TENM1: variants seen among roughly 807,000 people sequenced by gnomAD.
The protein encoded by TENM1 is teneurin transmembrane protein 1.
TENM1 carries 35 observed loss-of-function variants against 174.8 expected under a neutral mutation model. That is an observed-to-expected ratio of 0.20 (90% confidence interval 0.15 to 0.27). TENM1 has a LOEUF of 0.27. TENM1 is among the 10% of genes least tolerant of loss of function. The pLI is 1.00. For synonymous variants in TENM1, 781 were observed against 798.7 expected (o/e 0.98, Z 0.37); for missense variants, 1,633 against 2,130.1 (o/e 0.77, Z 4.59).
rs772747424 is a variant in TENM1 at position 124,523,465 on chromosome X, T to C, written c.2932A>G (p.Ile978Val). 2 of 1,209,722 alleles carry C rather than the reference T, an allele frequency of 1.7e-6. No individual in the cohort carries two copies. The highest frequency in any genetic ancestry group is 2.2e-5 in the Admixed American group (1 of 45,734). Residue 978 changes from isoleucine to valine, a missense_variant, in exon 17 of 32, where the codon ATC becomes GTC. By Grantham distance (29) the Ile-to-Val change is conservative (BLOSUM62 3). Coordinates refer to ENST00000422452, the Ensembl canonical transcript of TENM1. Reference sequence around the variant, plus strand: ...GGGTTTGGGCTGATAAAGTTGGAGATATCGCAGGATGGCGGGTCTGATACA... The same window carrying C: ...GGGTTTGGGCTGATAAAGTTGGAGACATCGCAGGATGGCGGGTCTGATACA...
At chrX:124,970,220 C>T in the TENM1 span, among the ~76,000 whole-genome samples, 3 of 111,779 alleles carry the variant, frequency 2.7e-5, no homozygotes, top group Non-Finnish European at 5.6e-5. Flanking sequence ...TCCTGGTTTA[C>T]CCTCAGAAAA....
At position 124,704,930 on chromosome X, in the gene TENM1, G is replaced by A. The variant is rs758935829; in HGVS notation, c.1015+83C>T. The A allele has an allele frequency of 2.6e-5, 19 of 722,186 alleles. No homozygotes were observed. In the Admixed American group the frequency reaches 2.7e-4, roughly 10 times the overall value. The allele number at this position is 722,186 out of a possible 1,213,427, so 59.5% of individuals were successfully genotyped here. A position where few individuals can be genotyped will look rare whatever the true frequency, so the allele number is the denominator to read the frequency against. On this transcript the variant is annotated intron_variant, in intron 5 of 31. Transcript: ENST00000422452. ...GTCCAAATGTGTACATGCCAGAATC[G>A]AGAGAAAAACCCCCCATTCCCACCA...
chrX:124,428,458 C>T (rs1378460078), intron 23 of TENM1, among the ~76,000 whole-genome samples: 1 of 112,057 alleles, frequency 8.9e-6, no homozygotes, highest in African/African-American at 3.2e-5. Flanking sequence ...TAAGCCTAAT[C>T]CCATACTGTA....
rs535062346 is a variant in TENM1 at position 124,772,589 on chromosome X, A to T, written c.536-35392T>A. Reference sequence around the variant, plus strand: ...CATATAAAAAGTGTAAACATTTTTTAAAAATATGGTCTTTAAAATAGAATA... The same window carrying T: ...CATATAAAAAGTGTAAACATTTTTTTAAAATATGGTCTTTAAAATAGAATA... On this transcript the variant is annotated intron_variant, in intron 3 of 31. Transcript: ENST00000422452. Among the ~76,000 whole-genome samples the T allele has an allele frequency of 1.5e-4, 17 of 112,227 alleles. No homozygotes were observed. The South Asian group carries it at 6.3e-3, about 41-fold the overall frequency.
At chrX:124,717,501 T>C (rs1353488524) in intron 4 of TENM1, among the ~76,000 whole-genome samples, 1 of 111,068 alleles carries the variant, frequency 9.0e-6, no homozygotes, top group Non-Finnish European at 1.9e-5. Context: ...GACAAAGAAA[T>C]CCCATCTAGA....
intron 10 of TENM1, among the ~76,000 whole-genome samples, chrX:124,642,866 G>A (rs781354707): frequency 8.9e-5 from 10 of 112,307 alleles, no homozygotes; most frequent in Non-Finnish European, 1.9e-4. Flanking sequence ...ATAACTAATC[G>A]TAATGAGGAC....
Position 124,487,463 on chromosome X carries a change from C to T in TENM1, c.3696-234G>A, listed in dbSNP as rs539707051. On this transcript the variant is annotated intron_variant, in intron 20 of 31. Coordinates refer to ENST00000422452, the Ensembl canonical transcript of TENM1. ...GATTGCATATTTTGTTTGGTGGATG[C>T]GCAAAGTTCTAAGGCAGATTTTTCA... Among the ~76,000 whole-genome samples, 17 of 112,071 alleles carry T rather than the reference C, an allele frequency of 1.5e-4. No individual in the cohort carries two copies. In the East Asian group the frequency reaches 2.3e-3, roughly 15 times the overall value.
intron 3 of TENM1, among the ~76,000 whole-genome samples, chrX:124,773,246 A>G (rs1308111541): frequency 9.0e-6 from 1 of 111,233 alleles, no homozygotes; most frequent in East Asian, 2.8e-4. Context: ...AACCAGATGT[A>G]TCAAGATTTT....
chrX:124,964,528 T>C (rs1246042800), upstream of TENM1, among the ~76,000 whole-genome samples: 5 of 111,166 alleles, frequency 4.5e-5, no homozygotes, highest in Non-Finnish European at 7.5e-5. Flanking sequence ...GTTTTGGAAA[T>C]AGCAATTTTA....
chrX:125,127,376 T>C, the TENM1 span, among the ~76,000 whole-genome samples: 1,464 of 111,334 alleles, frequency 0.013, 28 homozygotes, highest in African/African-American at 0.045. Context: ...CTGAATTAAA[T>C]GGTCTTTGTA....
chrX:124,540,155 A>G (rs745729847), intron 15 of TENM1, among the ~76,000 whole-genome samples: 146 of 112,088 alleles, frequency 1.3e-3, no homozygotes, highest in Admixed American at 2.4e-3. Context: ...CTGCCACTAC[A>G]ATGTAAACTC....
chrX:124,452,862 G>T (rs2061056473), intron 23 of TENM1, among the ~76,000 whole-genome samples: 1 of 72,087 alleles, frequency 1.4e-5, no homozygotes, highest in African/African-American at 5.0e-5. Context: ...ACCCTGTTGT[G>T]GGGTGGGGGG....
intron 25 of TENM1, among the ~76,000 whole-genome samples, chrX:124,415,973 TTC>T (rs2060589392): frequency 8.9e-6 from 1 of 111,858 alleles, no homozygotes; most frequent in Non-Finnish European, 1.9e-5. Flanking sequence ...TAAAAAACTC[TTC>T]TGTTTACTCT....
intron 3 of TENM1, among the ~76,000 whole-genome samples, chrX:124,876,818 A>G (rs889888446): frequency 2.7e-5 from 3 of 111,779 alleles, no homozygotes; most frequent in Admixed American, 9.5e-5. Flanking sequence ...CCATTCCAAC[A>G]TGGTTTTCAA....
chrX:125,187,027 C>G, the TENM1 span, among the ~76,000 whole-genome samples: 2 of 111,997 alleles, frequency 1.8e-5, no homozygotes, highest in Non-Finnish European at 3.8e-5. Context: ...CTTTGAGAGG[C>G]TGAGGCGGGT....
At chrX:124,821,841 A>G (rs978746792) in intron 3 of TENM1, among the ~76,000 whole-genome samples, 20 of 112,281 alleles carry the variant, frequency 1.8e-4, no homozygotes, top group African/African-American at 6.2e-4. Context: ...GAATAGTGAC[A>G]AGAATATCTT....
At chrX:124,678,740 A>C (rs2148449190) in intron 5 of TENM1, among the ~76,000 whole-genome samples, 1 of 111,619 alleles carries the variant, frequency 9.0e-6, no homozygotes, top group African/African-American at 3.2e-5. Context: ...TTTGAAATCT[A>C]GTGGCCTACA....
chrX:124,622,336 C>T (rs1861510175), intron 11 of TENM1, among the ~76,000 whole-genome samples: 1 of 111,946 alleles, frequency 8.9e-6, no homozygotes, highest in Admixed American at 9.5e-5. Context: ...TTCCTCCAGT[C>T]TAGTGTCAAC....
At chrX:124,380,509 G>A (rs1319657452) in exon 32 of TENM1, 1 of 1,160,054 alleles carries the variant, frequency 8.6e-7, no homozygotes, top group African/African-American at 1.8e-5. Flanking sequence ...GGCAGTCTTT[G>A]GTGACGCAAA....
Sources: allele counts gnomAD v4.1 joint callset (sites outside exome capture counted in the v4.1 genomes callset), GRCh38; gene constraint gnomAD v4.1.1; transcripts MANE v1.5; gene names NCBI Gene and HGNC (gene_info 2026-07-23, HGNC 2026-07-21).